KIAA1217: variants seen among roughly 807,000 people sequenced by gnomAD.
The protein encoded by KIAA1217 is sickle tail protein homolog.
Under a neutral mutation model 163.9 loss-of-function variants are expected in KIAA1217, and 88 were observed. The observed-to-expected ratio is 0.54, with a 90% CI of 0.45 to 0.64. The LOEUF is 0.64. Ranked by LOEUF, KIAA1217 falls within the 30% of genes least tolerant of loss-of-function variation. The probability of loss-of-function intolerance (pLI) is 0.00; values close to 1 mark genes in which losing one functional copy is unlikely to be tolerated. For missense variants in KIAA1217, 2,372 were observed against 2,475.0 expected (o/e 0.96, Z 0.88); for synonymous variants, 903 against 923.1 (o/e 0.98, Z 0.39).
At chr10:23,916,330 C>G (rs1470072965) in intron 1 of KIAA1217, among the ~76,000 whole-genome samples, 13 of 152,134 alleles carry the variant, frequency 8.5e-5, no homozygotes. Context: ...CTCTATTGTT[C>G]ATGCTTTGCC....
At chr10:24,435,944 AC>A (rs1325288056) in intron 4 of KIAA1217, among the ~76,000 whole-genome samples, 1 of 151,538 alleles carries the variant, frequency 6.6e-6, no homozygotes, top group Non-Finnish European at 1.5e-5. Flanking sequence ...CACTGCAGCC[AC>A]CACCTCCTGG....
chr10:24,403,165 C>G (rs78103215), intron 3 of KIAA1217, among the ~76,000 whole-genome samples: 1 of 152,098 alleles, frequency 6.6e-6, no homozygotes, highest in Non-Finnish European at 1.5e-5. Context: ...ATTTCTTAGA[C>G]GTGACAGCAG....
chr10:23,790,111 GCATATACA>G (rs1231400770), intron 1 of KIAA1217, among the ~76,000 whole-genome samples: 9 of 63,020 alleles, frequency 1.4e-4, no homozygotes, highest in South Asian at 1.0e-3. Context: ...ATACACATAT[GCATATACA>G]CATATACACA....
chr10:24,073,069 AAAAAG>A (rs902204370), intron 2 of KIAA1217, among the ~76,000 whole-genome samples: 2 of 151,924 alleles, frequency 1.3e-5, no homozygotes, highest in African/African-American at 4.8e-5. Flanking sequence ...GAAAAAAAAA[AAAAAG>A]AAAGAAAGAA....
chr10:24,135,191 GAGA>G (rs1195664904), intron 2 of KIAA1217, among the ~76,000 whole-genome samples: 1 of 152,274 alleles, frequency 6.6e-6, no homozygotes, highest in East Asian at 1.9e-4. Flanking sequence ...CCTCCAAGAG[GAGA>G]AGGAGGATGG....
chr10:24,427,728 C>G (rs1228661342), intron 3 of KIAA1217, among the ~76,000 whole-genome samples: 1 of 152,208 alleles, frequency 6.6e-6, no homozygotes, highest in African/African-American at 2.4e-5. Context: ...CTCTGGGAAT[C>G]TGGAGCAGCC....
intron 2 of KIAA1217, among the ~76,000 whole-genome samples, chr10:24,094,954 C>G (rs963792310): frequency 6.6e-6 from 1 of 152,230 alleles, no homozygotes; most frequent in Non-Finnish European, 1.5e-5. Flanking sequence ...GCCCCTCCCC[C>G]AGCCTGGCTG....
chr10:23,825,214 C>T (rs1027823165), intron 1 of KIAA1217, among the ~76,000 whole-genome samples: 2 of 152,186 alleles, frequency 1.3e-5, no homozygotes. Context: ...TCTTTCTCCA[C>T]TTGTAATATA....
At chr10:23,742,033 C>A (rs530229186) in intron 1 of KIAA1217, among the ~76,000 whole-genome samples, 1 of 152,202 alleles carries the variant, frequency 6.6e-6, no homozygotes, top group African/African-American at 2.4e-5. Flanking sequence ...TAGGGGCAGG[C>A]AGGCCAATTA....
At chr10:23,924,729 A>G (rs962143579) in intron 1 of KIAA1217, among the ~76,000 whole-genome samples, 3 of 152,160 alleles carry the variant, frequency 2.0e-5, no homozygotes, top group Admixed American at 6.6e-5. Context: ...ATGAAAAAGA[A>G]AAGTGGTGCA....
At chr10:23,806,430 C>A (rs1836746211) in intron 1 of KIAA1217, among the ~76,000 whole-genome samples, 1 of 152,170 alleles carries the variant, frequency 6.6e-6, no homozygotes, top group Non-Finnish European at 1.5e-5. Context: ...TTGAGGAAGT[C>A]ATTTTTCATT....
At chr10:24,049,036 A>C (rs1358005207) in intron 2 of KIAA1217, among the ~76,000 whole-genome samples, 4 of 145,350 alleles carry the variant, frequency 2.8e-5, no homozygotes, top group Non-Finnish European at 4.4e-5. Flanking sequence ...GTCTCAAAAA[A>C]AAAAAAAAAA....
intron 1 of KIAA1217, among the ~76,000 whole-genome samples, chr10:23,822,949 C>G (rs1206613550): frequency 6.6e-6 from 1 of 152,166 alleles, no homozygotes; most frequent in African/African-American, 2.4e-5. Context: ...GAGGGAAGCA[C>G]TTTTTTATTA....
At chr10:23,999,312 C>G (rs1221664758) in intron 1 of KIAA1217, among the ~76,000 whole-genome samples, 1 of 152,134 alleles carries the variant, frequency 6.6e-6, no homozygotes, top group African/African-American at 2.4e-5. Context: ...GGATAGGAGA[C>G]AGAGAACTCA....
intron 2 of KIAA1217, among the ~76,000 whole-genome samples, chr10:24,188,720 G>A (rs1307708386): frequency 6.6e-6 from 1 of 152,126 alleles, no homozygotes; most frequent in Non-Finnish European, 1.5e-5. Flanking sequence ...TATTGAAATC[G>A]TCTTTGTTAG....
At chr10:24,331,267 G>A (rs917760847) in intron 2 of KIAA1217, among the ~76,000 whole-genome samples, 7 of 152,162 alleles carry the variant, frequency 4.6e-5, no homozygotes, top group African/African-American at 1.7e-4. Flanking sequence ...AAAGAAGGAA[G>A]CAGAAGAATC....
At chr10:24,294,024 T>C (rs2079401883) in intron 2 of KIAA1217, among the ~76,000 whole-genome samples, 1 of 151,740 alleles carries the variant, frequency 6.6e-6, no homozygotes. Context: ...AAACACCGTC[T>C]CTAATAAAAA....
At position 24,086,266 on chromosome 10, in the gene KIAA1217, G is replaced by A. The variant is rs1187422252; in HGVS notation, c.-171+78892G>A. Among the ~76,000 whole-genome samples the A allele has an allele frequency of 5.3e-5, 8 of 152,216 alleles. No homozygotes were observed. In the East Asian group the frequency reaches 1.5e-3, roughly 29 times the overall value. On this transcript the variant is annotated intron_variant, in intron 2 of 18. Transcript: ENST00000376462. ...TTATCTAGGGTCAGCTCTGCCTTCAGCAGTTGAGCAAATGAAACATTCCTT... is the reference window on the plus strand; with the variant it reads ...TTATCTAGGGTCAGCTCTGCCTTCAACAGTTGAGCAAATGAAACATTCCTT...
At chr10:23,815,410 C>A (rs141598578) in intron 1 of KIAA1217, among the ~76,000 whole-genome samples, 2 of 152,020 alleles carry the variant, frequency 1.3e-5, no homozygotes, top group East Asian at 3.9e-4. Context: ...TTTGGGAGGC[C>A]GAGGTGGGCG....
Sources: gnomAD v4.1 joint callset for allele counts (sites outside exome capture counted in the v4.1 genomes callset) on GRCh38, gnomAD v4.1.1 for gene constraint, MANE v1.5 for transcripts, NCBI Gene and HGNC (gene_info 2026-07-23, HGNC 2026-07-21) for gene names.